ROBO1: variants seen among roughly 807,000 people sequenced by gnomAD.
ROBO1 encodes the protein roundabout guidance receptor 1.
Under a neutral mutation model 195.9 loss-of-function variants are expected in ROBO1, and 149 were observed. The ratio of observed to expected loss-of-function variants is 0.76; its 90% CI spans 0.67 to 0.87. The LOEUF (loss-of-function observed/expected upper bound fraction) is 0.87, where lower values mean the gene tolerates loss of function less well. Among genes scored for constraint, ROBO1 ranks in the 40% least tolerant of loss-of-function variants. The pLI is 0.00. For synonymous variants in ROBO1, 816 were observed against 733.2 expected (o/e 1.11, Z -1.82); for missense variants, 1,933 against 2,068.3 (o/e 0.93, Z 1.27).
intron 21 of ROBO1, among the ~76,000 whole-genome samples, chr3:78,641,485 G>A (rs937973981): frequency 2.6e-5 from 4 of 152,252 alleles, no homozygotes; most frequent in Middle Eastern, 3.4e-3. Context: ...GAAGAGTAAC[G>A]TTTCCAAACT....
At chr3:78,765,100 G>T (rs2083196693) in intron 4 of ROBO1, among the ~76,000 whole-genome samples, 1 of 151,884 alleles carries the variant, frequency 6.6e-6, no homozygotes, top group Non-Finnish European at 1.5e-5. Flanking sequence ...AAAAAGTAAG[G>T]TATTGCAAAG....
chr3:78,822,826 GA>G (rs2108687034), intron 4 of ROBO1, among the ~76,000 whole-genome samples: 1 of 152,250 alleles, frequency 6.6e-6, no homozygotes, highest in African/African-American at 2.4e-5. Flanking sequence ...AAATTGAGTA[GA>G]ATATACTTTA....
intron 4 of ROBO1, among the ~76,000 whole-genome samples, chr3:78,865,754 A>C (rs1223198796): frequency 6.6e-6 from 1 of 152,118 alleles, no homozygotes; most frequent in Admixed American, 6.5e-5. Flanking sequence ...TACAGGCATG[A>C]GCCACCGTGC....
chr3:79,459,755 T>A (rs1167247931), intron 2 of ROBO1, among the ~76,000 whole-genome samples: 1 of 152,106 alleles, frequency 6.6e-6, no homozygotes, highest in Admixed American at 6.5e-5. Context: ...GTTACATTAA[T>A]TCACTATTTT....
intron 4 of ROBO1, among the ~76,000 whole-genome samples, chr3:78,768,771 C>T (rs1022873168): frequency 1.3e-5 from 2 of 151,616 alleles, no homozygotes; most frequent in Admixed American, 6.6e-5. Context: ...AACTCGTCAT[C>T]TAGCATTAGG....
intron 2 of ROBO1, among the ~76,000 whole-genome samples, chr3:79,243,128 C>T (rs1249454811): frequency 6.6e-6 from 1 of 151,868 alleles, no homozygotes; most frequent in South Asian, 2.1e-4. Context: ...ATGATGGTTT[C>T]CAGCTTCATC....
At chr3:79,144,072 T>C (rs1250338227) in intron 2 of ROBO1, among the ~76,000 whole-genome samples, 2 of 152,068 alleles carry the variant, frequency 1.3e-5, no homozygotes, top group African/African-American at 2.4e-5. Context: ...TTCCATGATA[T>C]GGATGTACTA....
chr3:79,219,579 T>C (rs1385039179), intron 2 of ROBO1, among the ~76,000 whole-genome samples: 1 of 151,990 alleles, frequency 6.6e-6, no homozygotes, highest in Non-Finnish European at 1.5e-5. Flanking sequence ...AAAGTAATTC[T>C]CAGCACAATT....
chr3:79,552,889 T>C (rs1223003103), intron 2 of ROBO1, among the ~76,000 whole-genome samples: 1 of 152,088 alleles, frequency 6.6e-6, no homozygotes, highest in African/African-American at 2.4e-5. Context: ...ACTTAGTTAC[T>C]ATGATAACAC....
intron 2 of ROBO1, among the ~76,000 whole-genome samples, chr3:79,522,101 G>A (rs1036395815): frequency 6.6e-6 from 1 of 152,102 alleles, no homozygotes; most frequent in Non-Finnish European, 1.5e-5. Context: ...TTATAATTTA[G>A]TGTATCTGTG....
At chr3:79,628,244 T>C (rs1945237078) in intron 1 of ROBO1, among the ~76,000 whole-genome samples, 1 of 152,102 alleles carries the variant, frequency 6.6e-6, no homozygotes, top group Non-Finnish European at 1.5e-5. Context: ...CAAATGCCCA[T>C]CAATGATAGA....
In ROBO1 at chr3:79,735,877, A is replaced by C. The variant is rs1295546308; in HGVS notation, c.-51+31875T>G. ...CAGAGAGAGACTCCGTCTCAAAAAA[A>C]AAAAAAAAACAAAAAAAAAACAAAA... is the stretch of plus-strand genomic sequence containing the variant. On this transcript the variant is annotated intron_variant, in intron 1 of 30. Transcript: ENST00000464233. Among the ~76,000 whole-genome samples the C allele has an allele frequency of 4.5e-4, 46 of 101,810 alleles. No individual in the cohort carries two copies. In the South Asian group the frequency reaches 5.0e-3, roughly 11 times the overall value. The allele number at this position is 101,810 out of a possible 152,430, so 66.8% of individuals were successfully genotyped here. A position where few individuals can be genotyped will look rare whatever the true frequency, so the allele number is the denominator to read the frequency against.
chr3:78,767,222 A>C (rs1379690150), intron 4 of ROBO1, among the ~76,000 whole-genome samples: 1 of 151,208 alleles, frequency 6.6e-6, no homozygotes, highest in Non-Finnish European at 1.5e-5. Flanking sequence ...TGTCTGGTAG[A>C]ATTCTGCTGT....
At chr3:78,844,518 G>A (rs1257592135) in intron 4 of ROBO1, among the ~76,000 whole-genome samples, 2 of 151,968 alleles carry the variant, frequency 1.3e-5, no homozygotes, top group African/African-American at 2.4e-5. Flanking sequence ...ATGGTTCGCT[G>A]GTAAATCAAT....
chr3:79,372,288 C>A (rs956532022), intron 2 of ROBO1, among the ~76,000 whole-genome samples: 2 of 151,334 alleles, frequency 1.3e-5, no homozygotes, highest in Non-Finnish European at 2.9e-5. Flanking sequence ...TTCACTGCAA[C>A]CTCCGCCTCC....
chr3:79,591,186 G>T (rs1293337642), intron 1 of ROBO1, among the ~76,000 whole-genome samples: 1 of 151,648 alleles, frequency 6.6e-6, no homozygotes, highest in Non-Finnish European at 1.5e-5. Flanking sequence ...TATATAAAAA[G>T]TAATTTGTCC....
intron 2 of ROBO1, among the ~76,000 whole-genome samples, chr3:79,273,002 T>G (rs1426174021): frequency 6.6e-6 from 1 of 152,008 alleles, no homozygotes; most frequent in East Asian, 1.9e-4. Context: ...GAAGAGTATA[T>G]CTGGTGAAAC....
intron 3 of ROBO1, among the ~76,000 whole-genome samples, chr3:79,031,035 T>C (rs907953656): frequency 6.6e-6 from 1 of 152,230 alleles, no homozygotes; most frequent in African/African-American, 2.4e-5. Context: ...ATATGTTATT[T>C]ACCTTCATGC....
At chr3:79,404,420 A>G (rs2037470990) in intron 2 of ROBO1, among the ~76,000 whole-genome samples, 1 of 152,156 alleles carries the variant, frequency 6.6e-6, no homozygotes, top group African/African-American at 2.4e-5. Context: ...CATATTAGAG[A>G]ACCAGTGCAG....
Sources: allele counts gnomAD v4.1 joint callset (sites outside exome capture counted in the v4.1 genomes callset), GRCh38; gene constraint gnomAD v4.1.1; transcripts MANE v1.5; gene names NCBI Gene and HGNC (gene_info 2026-07-23, HGNC 2026-07-21).